The following RNF185 variants were observed in gnomAD, a reference collection of about 807,000 sequenced individuals.
The protein encoded by RNF185 is E3 ubiquitin-protein ligase RNF185.
Under a neutral mutation model 24.9 loss-of-function variants are expected in RNF185, and 13 were observed. The observed-to-expected ratio is 0.52, with a 90% CI of 0.34 to 0.83. The LOEUF (loss-of-function observed/expected upper bound fraction) is 0.83. RNF185 is among the 40% of genes least tolerant of loss of function. The pLI is 0.01. For synonymous variants in RNF185, 79 were observed against 90.3 expected (o/e 0.88, Z 0.71); for missense variants, 184 against 244.7 (o/e 0.75, Z 1.65).
At chr22:31,198,459 T>A (rs2048229184) in intron 5 of RNF185, among the ~76,000 whole-genome samples, 1 of 146,358 alleles carries the variant, frequency 6.8e-6, no homozygotes, top group Non-Finnish European at 1.5e-5. Flanking sequence ...AGTGTAGTAG[T>A]GCGATCTCGG....
rs537977212 is a variant in RNF185 at position 31,204,904 on chromosome 22, A to T, written c.*318A>T. On this transcript the variant is annotated 3_prime_UTR_variant, in exon 7 of 7. Coordinates refer to ENST00000326132, the MANE Select transcript of RNF185 (RefSeq NM_152267.4). ...GCAGAGGGAAGAGGCAGAAAGAGAGAAACTGTCAGAGTATAATTTCACCTG... is the reference window on the plus strand; with the variant it reads ...GCAGAGGGAAGAGGCAGAAAGAGAGTAACTGTCAGAGTATAATTTCACCTG... 9.2e-4 allele frequency: 238 copies of T among 258,064 alleles called. No homozygotes were observed. Among genetic ancestry groups the T allele is most frequent in the African/African-American group, 4.5e-3 (212 of 46,918 alleles). The allele number at this position is 258,064 out of a possible 1,614,324, so 16.0% of individuals were successfully genotyped here.
intron 2 of RNF185, among the ~76,000 whole-genome samples, chr22:31,191,720 T>C (rs931625482): frequency 7.3e-5 from 11 of 150,904 alleles, no homozygotes; most frequent in African/African-American, 2.7e-4. Flanking sequence ...TAATCCCAGC[T>C]ACTCAGGAGG....
At chr22:31,176,044 T>G (rs917455043) in intron 1 of RNF185, among the ~76,000 whole-genome samples, 1 of 152,156 alleles carries the variant, frequency 6.6e-6, no homozygotes, top group Non-Finnish European at 1.5e-5. Context: ...ATTACAGATG[T>G]GAGCCACCAT....
At chr22:31,168,041 GT>G (rs1924042224) in intron 1 of RNF185, among the ~76,000 whole-genome samples, 1 of 152,110 alleles carries the variant, frequency 6.6e-6, no homozygotes, top group Non-Finnish European at 1.5e-5. Flanking sequence ...CTCCAGAACT[GT>G]TTTCATCTTG....
chr22:31,200,395 G>C (rs1228792745), intron 5 of RNF185, among the ~76,000 whole-genome samples: 1 of 152,152 alleles, frequency 6.6e-6, no homozygotes, highest in African/African-American at 2.4e-5. Context: ...TGTGTTTTCA[G>C]ATCAAATTGA....
chr22:31,190,613 G>A (rs1281583620), intron 2 of RNF185, among the ~76,000 whole-genome samples: 4 of 148,760 alleles, frequency 2.7e-5, no homozygotes, highest in Non-Finnish European at 4.5e-5. Flanking sequence ...TTGAGATGGA[G>A]TCTCACTGCG....
intron 1 of RNF185, among the ~76,000 whole-genome samples, chr22:31,181,646 C>T (rs1344930201): frequency 6.6e-6 from 1 of 152,104 alleles, no homozygotes; most frequent in South Asian, 2.1e-4. Context: ...AAATGTGGCA[C>T]ATATACACCA....
At chr22:31,194,740 T>C (rs976821286) in intron 3 of RNF185, among the ~76,000 whole-genome samples, 2 of 151,198 alleles carry the variant, frequency 1.3e-5, no homozygotes, top group Admixed American at 1.3e-4. Flanking sequence ...GAAAAAAAAA[T>C]GAGAAATCAC....
chr22:31,164,939 T>C (rs1169087550), intron 1 of RNF185, among the ~76,000 whole-genome samples: 1 of 151,514 alleles, frequency 6.6e-6, no homozygotes, highest in African/African-American at 2.4e-5. Context: ...AGATGGAATT[T>C]CACTCTTATT....
chr22:31,163,327 G>A (rs1043329020), intron 1 of RNF185, among the ~76,000 whole-genome samples: 1 of 150,812 alleles, frequency 6.6e-6, no homozygotes, highest in Non-Finnish European at 1.5e-5. Context: ...GACCTGCATC[G>A]TGTACATTTT....
chr22:31,166,996 CTG>C (rs1423045775), intron 1 of RNF185, among the ~76,000 whole-genome samples: 2 of 152,210 alleles, frequency 1.3e-5, no homozygotes, highest in East Asian at 3.9e-4. Context: ...ATTTCCTTAA[CTG>C]TTCATTTATT....
intron 6 of RNF185, among the ~76,000 whole-genome samples, chr22:31,203,015 C>T (rs898272391): frequency 2.0e-5 from 3 of 152,112 alleles, no homozygotes; most frequent in African/African-American, 7.2e-5. Context: ...TGTACTCTGC[C>T]CTGAAGAAAG....
chr22:31,201,644 G>T (rs762689103), intron 6 of RNF185, 29 bp downstream of exon 6: 4 of 1,488,380 alleles, frequency 2.7e-6, no homozygotes, highest in Non-Finnish European at 1.9e-6. Flanking sequence ...GAGAAATTAG[G>T]AAGATATCTT....
intron 2 of RNF185, among the ~76,000 whole-genome samples, chr22:31,192,197 T>G (rs920528831): frequency 1.4e-4 from 22 of 152,330 alleles, no homozygotes; most frequent in African/African-American, 5.3e-4. Flanking sequence ...CTGGACTACC[T>G]GAGAGTCCAC....
intron 1 of RNF185, among the ~76,000 whole-genome samples, chr22:31,166,935 C>T (rs941420760): frequency 6.6e-6 from 1 of 152,188 alleles, no homozygotes; most frequent in African/African-American, 2.4e-5. Flanking sequence ...CAGGCGTGAG[C>T]CACCACACCT....
chr22:31,163,713 C>T (rs1476959804), intron 1 of RNF185, among the ~76,000 whole-genome samples: 1 of 145,812 alleles, frequency 6.9e-6, no homozygotes, highest in Admixed American at 6.9e-5. Context: ...TCACTCTGTC[C>T]TCCAGGCTGG....
At chr22:31,185,026 G>C (rs1038993231) in intron 1 of RNF185, among the ~76,000 whole-genome samples, 1 of 151,476 alleles carries the variant, frequency 6.6e-6, no homozygotes, top group Non-Finnish European at 1.5e-5. Context: ...TGGGTACTTA[G>C]GATTGATTGT....
intron 1 of RNF185, among the ~76,000 whole-genome samples, chr22:31,163,863 G>A (rs1456621384): frequency 6.6e-6 from 1 of 151,682 alleles, no homozygotes; most frequent in East Asian, 1.9e-4. Flanking sequence ...TAGTGGAGAC[G>A]GGGTTTCACC....
intron 6 of RNF185, among the ~76,000 whole-genome samples, chr22:31,203,233 C>T (rs1000269601): frequency 1.3e-5 from 2 of 151,616 alleles, no homozygotes; most frequent in Admixed American, 1.3e-4. Context: ...TTTTATCCTC[C>T]TTCCCCCAAA....
Sources: allele counts gnomAD v4.1 joint callset (sites outside exome capture counted in the v4.1 genomes callset), GRCh38; gene constraint gnomAD v4.1.1; transcripts MANE v1.5; gene names NCBI Gene and HGNC (gene_info 2026-07-23, HGNC 2026-07-21).